Variants in LRIG1 observed in about 807,000 individuals in gnomAD.
LRIG1 encodes leucine-rich repeats and immunoglobulin-like domains protein 1.
In LRIG1, 48 loss-of-function variants were observed where a neutral mutation model predicts 99.2. The observed-to-expected ratio is 0.48, with a 90% confidence interval of 0.38 to 0.62. The LOEUF (loss-of-function observed/expected upper bound fraction) is 0.62. LRIG1 is among the 20% of genes least tolerant of loss of function. The probability of loss-of-function intolerance (pLI) is 0.00; values close to 1 mark genes in which losing one functional copy is unlikely to be tolerated. For synonymous variants in LRIG1, 772 were observed against 596.1 expected (o/e 1.29, Z -4.30); for missense variants, 1,646 against 1,434.4 (o/e 1.15, Z -2.38).
chr3:66,446,470 ATCT>A (rs1703730523), intron 3 of LRIG1, among the ~76,000 whole-genome samples: 1 of 138,844 alleles, frequency 7.2e-6, no homozygotes, highest in Admixed American at 7.7e-5. Flanking sequence ...CAATGGTGCG[ATCT>A]TAGCTCACTG....
intron 12 of LRIG1, chr3:66,387,577 C>T (rs1057234931): frequency 6.6e-6 from 1 of 152,056 alleles, no homozygotes; most frequent in Non-Finnish European, 1.5e-5. Context: ...AGCAGCAAAT[C>T]CTGGGGGAGG....
chr3:66,486,370 C>G (rs1318459134), intron 1 of LRIG1, among the ~76,000 whole-genome samples: 1 of 152,130 alleles, frequency 6.6e-6, no homozygotes, highest in Non-Finnish European at 1.5e-5. Context: ...GCCTCTTAAC[C>G]ACCGTGCGTC....
Position 66,386,114 on chromosome 3 carries a change from G to A in LRIG1, c.1656C>T (p.Asp552=), listed in dbSNP as rs140362329. The change falls in exon 13 of 19, where the codon GAC becomes GAT. Residue 552 remains aspartate, a synonymous_variant. Coordinates refer to ENST00000273261, the MANE Select transcript of LRIG1 (RefSeq NM_015541.3). ...MENFVHVHAQ[D]GEVMEYTTIL... ...TGGTGGTGTACTCCATCACTTCCCC[G>A]TCCTGCGCGTGGACGTGGACAAAGT... 1,617 of 1,614,134 alleles carry A rather than the reference G, an allele frequency of 1.0e-3. 14 individuals are homozygous for A. Among genetic ancestry groups the A allele is most frequent in the Admixed American group, 7.2e-3 (434 of 60,020 alleles).
At chr3:66,381,937 G>A (rs1462724219) in intron 16 of LRIG1, among the ~76,000 whole-genome samples, 9 of 151,162 alleles carry the variant, frequency 6.0e-5, no homozygotes, top group African/African-American at 2.2e-4. Flanking sequence ...GGATCACAGA[G>A]CAGACCTGGG....
chr3:66,381,616 T>A lies in LRIG1; in HGVS notation c.2633A>T (p.Asp878Val). ...HIESNGVCPR[D>V]ASHFPEPDTH... ...GTCGGGCTCTGGAAAGTGGCTTGCATCTCTTGGACACACACCTGCAAGTGG... is the reference window on the plus strand; with the variant it reads ...GTCGGGCTCTGGAAAGTGGCTTGCAACTCTTGGACACACACCTGCAAGTGG... Residue 878 changes from aspartate (D) to valine (V), a missense_variant, in exon 17 of 19, where the codon GAT becomes GTT. Transcript: ENST00000273261. 1 of 1,613,760 alleles carries A rather than the reference T, an allele frequency of 6.2e-7. No individual in the cohort carries two copies. The highest frequency in any genetic ancestry group is 8.5e-7 in the Non-Finnish European group (1 of 1,179,672).
chr3:66,390,115 G>C (rs1245905544), intron 12 of LRIG1, among the ~76,000 whole-genome samples: 1 of 152,026 alleles, frequency 6.6e-6, no homozygotes, highest in Non-Finnish European at 1.5e-5. Flanking sequence ...AGAGCTTCTA[G>C]CCAGTGCAAC....
chr3:66,433,702 G>GT (rs1327232670), intron 3 of LRIG1, among the ~76,000 whole-genome samples: 3 of 152,226 alleles, frequency 2.0e-5, no homozygotes, highest in Non-Finnish European at 2.9e-5. Flanking sequence ...CTCCGGGAGG[G>GT]TTAAGGATGG....
intron 3 of LRIG1, among the ~76,000 whole-genome samples, chr3:66,433,163 C>T (rs997971162): frequency 2.0e-5 from 3 of 152,288 alleles, no homozygotes. Context: ...GAAACTTGTT[C>T]GCTCATTGCT....
intron 1 of LRIG1, among the ~76,000 whole-genome samples, chr3:66,471,701 G>A (rs1700599606): frequency 6.6e-6 from 1 of 152,208 alleles, no homozygotes. Context: ...GGAGACTTTT[G>A]CTTCTGGAGT....
chr3:66,381,715 A>T (rs1235980790), intron 16 of LRIG1, 84 bp from the exon 17 acceptor site: 2 of 1,458,506 alleles, frequency 1.4e-6, no homozygotes, highest in East Asian at 4.6e-5. Flanking sequence ...CAAGGCCGCT[A>T]GAACAGTCAT....
chr3:66,419,637 C>T (rs529144190), intron 3 of LRIG1, among the ~76,000 whole-genome samples: 2 of 152,222 alleles, frequency 1.3e-5, no homozygotes, highest in African/African-American at 2.4e-5. Context: ...GCAAATGCCT[C>T]GCAGCCCAAG....
intron 9 of LRIG1, among the ~76,000 whole-genome samples, chr3:66,404,978 C>T (rs921345076): frequency 6.6e-6 from 1 of 152,216 alleles, no homozygotes; most frequent in African/African-American, 2.4e-5. Context: ...GGTTGCCAGC[C>T]CCCAAGAACC....
intron 1 of LRIG1, among the ~76,000 whole-genome samples, chr3:66,478,235 C>T (rs1349202158): frequency 6.6e-6 from 1 of 152,202 alleles, no homozygotes; most frequent in Non-Finnish European, 1.5e-5. Flanking sequence ...TAATACACAA[C>T]TAATTTCAGT....
intron 3 of LRIG1, among the ~76,000 whole-genome samples, chr3:66,427,766 C>T (rs1178313819): frequency 6.6e-6 from 1 of 152,184 alleles, no homozygotes; most frequent in Non-Finnish European, 1.5e-5. Context: ...AAAATTTCCG[C>T]ACCCAGAAGC....
At chr3:66,451,434 G>T in intron 3 of LRIG1, 125 bp downstream of exon 3, 1 of 727,254 alleles carries the variant, frequency 1.4e-6, no homozygotes, top group South Asian at 1.9e-5. Flanking sequence ...AGGGCCACAT[G>T]AAGAAAGGTC....
intron 2 of LRIG1, among the ~76,000 whole-genome samples, chr3:66,458,726 T>C (rs1700285561): frequency 6.6e-6 from 1 of 151,316 alleles, no homozygotes; most frequent in African/African-American, 2.4e-5. Context: ...AAGAAAATGT[T>C]TTATATCAGG....
chr3:66,459,272 A>G (rs1461418197), intron 2 of LRIG1, among the ~76,000 whole-genome samples: 3 of 152,190 alleles, frequency 2.0e-5, no homozygotes, highest in African/African-American at 7.2e-5. Context: ...AATCAAATGA[A>G]AGGTAAAAGC....
intron 1 of LRIG1, among the ~76,000 whole-genome samples, chr3:66,484,131 G>A (rs1700913629): frequency 6.6e-6 from 1 of 152,180 alleles, no homozygotes; most frequent in Non-Finnish European, 1.5e-5. Flanking sequence ...GGAGGGTGGT[G>A]AGGGGTATAG....
At chr3:66,477,852 ATG>A (rs1239512502) in intron 1 of LRIG1, among the ~76,000 whole-genome samples, 1 of 38,294 alleles carries the variant, frequency 2.6e-5, no homozygotes, top group Non-Finnish European at 2.7e-4. Flanking sequence ...TATTTGAGTG[ATG>A]CACTACAGGA....
Sources: allele counts gnomAD v4.1 joint callset (sites outside exome capture counted in the v4.1 genomes callset), GRCh38; gene constraint gnomAD v4.1.1; transcripts MANE v1.5; gene names NCBI Gene and HGNC (gene_info 2026-07-23, HGNC 2026-07-21).